SLCO4A1: variants seen among roughly 807,000 people sequenced by gnomAD.
SLCO4A1 encodes colon organic anion transporter.
A neutral mutation model predicts 64.6 loss-of-function variants in SLCO4A1; 51 were observed. That is an observed-to-expected ratio of 0.79 (90% CI 0.63 to 1.00). SLCO4A1 has a LOEUF of 1.00. Ranked by LOEUF, SLCO4A1 falls within the 50% of genes least tolerant of loss-of-function variation. The pLI, the probability that SLCO4A1 is intolerant of heterozygous loss-of-function variation, is 0.00. For synonymous variants in SLCO4A1, 471 were observed against 444.9 expected (o/e 1.06, Z -0.74); for missense variants, 919 against 980.5 (o/e 0.94, Z 0.84).
chr20:62,684,889 AC>A, intron 2 of SLCO4A1, among the ~76,000 whole-genome samples: 1 of 152,186 alleles, frequency 6.6e-6, no homozygotes, highest in African/African-American at 2.4e-5. Context: ...TGCAGCAACG[AC>A]CCGACCACAC....
chr20:62,681,265 C>A (rs1987808798), intron 2 of SLCO4A1, among the ~76,000 whole-genome samples: 1 of 152,254 alleles, frequency 6.6e-6, no homozygotes, highest in South Asian at 2.1e-4. Context: ...CCCTTGCACA[C>A]TTTGCCCAGT....
At chr20:62,652,462 G>A (rs866384019) in intron 1 of SLCO4A1, among the ~76,000 whole-genome samples, 1 of 152,140 alleles carries the variant, frequency 6.6e-6, no homozygotes, top group East Asian at 1.9e-4. Context: ...GTCCCGCCCC[G>A]GGGCTCTTGC....
Position 62,668,799 on chromosome 20 carries a change from G to A in SLCO4A1, c.1877-131G>A. The stretch of plus-strand genomic sequence containing the variant: ...AGAAAGGAACGTTTAAGCCCTCTTT[G>A]CACCCCCTGAGAACTCCAACGGCCA... On this transcript the variant is annotated intron_variant, in intron 10 of 11. Coordinates refer to ENST00000217159, the MANE Select transcript of SLCO4A1 (RefSeq NM_016354.4). The A allele has an allele frequency of 8.3e-6, 8 of 959,302 alleles. No individual in the cohort carries two copies. In the South Asian group the frequency reaches 1.2e-4, roughly 14 times the overall value. 59.4% of individuals were successfully genotyped at this position (959,302 alleles called of 1,614,324 possible).
chr20:62,686,047 G>T (rs533473744), downstream of SLCO4A1, among the ~76,000 whole-genome samples: 2 of 152,248 alleles, frequency 1.3e-5, no homozygotes, highest in East Asian at 1.9e-4. Flanking sequence ...GGACTGGGGG[G>T]CTTCTGGACT....
Position 62,656,354 on chromosome 20 carries a change from C to T in SLCO4A1, c.-96-5C>T. On this transcript the variant is annotated splice_region_variant and splice_polypyrimidine_tract_variant and intron_variant, in intron 1 of 11. Transcript: ENST00000217159. ...GAGCTTGCTAACCAGACATTCTTCT[C>T]ACAGGACACACCAGCCCCTCGGATA... 2.0e-6 allele frequency: 2 copies of T among 1,024,510 alleles called. No homozygotes were observed. The highest frequency in any genetic ancestry group is 1.4e-6 in the Non-Finnish European group (1 of 724,368). The allele number at this position is 1,024,510 out of a possible 1,614,324, so 63.5% of individuals were successfully genotyped here. A position where few individuals can be genotyped will look rare whatever the true frequency, so the allele number is the denominator to read the frequency against.
chr20:62,647,694 T>C (rs577189317), intron 1 of SLCO4A1, among the ~76,000 whole-genome samples: 1 of 152,226 alleles, frequency 6.6e-6, no homozygotes, highest in Non-Finnish European at 1.5e-5. Context: ...AGTAAGTGCA[T>C]GGGGCCTAGG....
chr20:62,667,634 G>C, intron 7 of SLCO4A1, 111 bp from the exon 8 acceptor site: 4 of 1,324,126 alleles, frequency 3.0e-6, no homozygotes, highest in Non-Finnish European at 3.1e-6. Context: ...CAAGTTTGTA[G>C]ACCCGAAATG....
intron 1 of SLCO4A1, among the ~76,000 whole-genome samples, chr20:62,655,600 G>A (rs560904012): frequency 5.3e-5 from 8 of 152,156 alleles, no homozygotes; most frequent in African/African-American, 1.7e-4. Flanking sequence ...CAGGGGCAGC[G>A]CAGGGTTCAG....
downstream of SLCO4A1, among the ~76,000 whole-genome samples, chr20:62,687,919 G>T (rs1303178796): frequency 6.6e-6 from 1 of 152,128 alleles, no homozygotes; most frequent in South Asian, 2.1e-4. Flanking sequence ...CTCACCTCCC[G>T]GCCATGTCCT....
At chr20:62,659,997 G>T (rs2147083336) in intron 3 of SLCO4A1, among the ~76,000 whole-genome samples, 1 of 152,348 alleles carries the variant, frequency 6.6e-6, no homozygotes, top group Non-Finnish European at 1.5e-5. Context: ...TTCGTGGGGA[G>T]CTCTCAGTGA....
At chr20:62,651,906 GCAGC>G (rs756704562) in intron 1 of SLCO4A1, 3 of 152,314 alleles carry the variant, frequency 2.0e-5, no homozygotes, top group Non-Finnish European at 4.4e-5. Context: ...GTGTTTCACG[GCAGC>G]CAGCGTCTTG....
chr20:62,647,046 T>C (rs1378837127), intron 1 of SLCO4A1, among the ~76,000 whole-genome samples: 1 of 152,220 alleles, frequency 6.6e-6, no homozygotes, highest in Admixed American at 6.5e-5. Context: ...TACAAAGCAA[T>C]GGCTTCCTGC....
chr20:62,676,349 G>C (rs1297243856), downstream of SLCO4A1, among the ~76,000 whole-genome samples: 2 of 152,220 alleles, frequency 1.3e-5, no homozygotes, highest in East Asian at 3.8e-4. Flanking sequence ...AAGCCTGGGA[G>C]GTCAAGGCTG....
downstream of SLCO4A1, among the ~76,000 whole-genome samples, chr20:62,676,999 C>T (rs1445975751): frequency 1.3e-5 from 2 of 152,204 alleles, no homozygotes; most frequent in African/African-American, 4.8e-5. Flanking sequence ...TGTGCAGGTG[C>T]GCATGGACCT....
chr20:62,655,258 GC>G (rs1459177094), intron 1 of SLCO4A1, among the ~76,000 whole-genome samples: 2 of 143,782 alleles, frequency 1.4e-5, no homozygotes, highest in Non-Finnish European at 3.1e-5. Context: ...CAGGGTGGGG[GC>G]GGCACAGGTG....
At chr20:62,667,935 C>T in intron 8 of SLCO4A1, 25 bp downstream of exon 8, 2 of 1,614,028 alleles carry the variant, frequency 1.2e-6, no homozygotes, top group Non-Finnish European at 1.7e-6. Flanking sequence ...TGCCTACCGC[C>T]CCTGTCCTCC....
intron 2 of SLCO4A1, 33 bp downstream of exon 2, chr20:62,657,283 G>C: frequency 6.7e-7 from 1 of 1,484,792 alleles, no homozygotes; most frequent in Non-Finnish European, 9.0e-7. Context: ...GTGCTGGCAG[G>C]GGTGGCTGAG....
At chr20:62,665,195 G>C in intron 6 of SLCO4A1, 107 bp downstream of exon 6, 1 of 1,290,942 alleles carries the variant, frequency 7.7e-7, no homozygotes, top group Non-Finnish European at 1.1e-6. Flanking sequence ...ATGGCAGTGA[G>C]TGCCCTCCCA....
Position 62,656,587 on chromosome 20 carries a change from C to CGCTCCG in SLCO4A1, c.134_139dup (p.Ser46_Ala47insGlySer). 2.5e-6 allele frequency: 4 copies of CGCTCCG among 1,593,328 alleles called. No individual in the cohort carries two copies. Among genetic ancestry groups the CGCTCCG allele is most frequent in the Non-Finnish European group, 3.4e-6 (4 of 1,173,246 alleles). ...CACACCCCTGAGCCCCGGCTCCCTCCGCTCCGCTGCCCATAGCCCCCTGGA... is the reference window on the plus strand; with the variant it reads ...CACACCCCTGAGCCCCGGCTCCCTCCGCTCCGGCTCCGCTGCCCATAGCCCCCTGGA... On this transcript the variant is annotated inframe_insertion, in exon 2 of 12. Transcript: ENST00000217159.
Sources: allele counts gnomAD v4.1 joint callset (sites outside exome capture counted in the v4.1 genomes callset), GRCh38; gene constraint gnomAD v4.1.1; transcripts MANE v1.5; gene names NCBI Gene and HGNC (gene_info 2026-07-23, HGNC 2026-07-21).